Variants in AACS observed in about 807,000 individuals in gnomAD.
AACS encodes acetoacetate-CoA ligase.
A neutral mutation model predicts 83.1 loss-of-function variants in AACS; 69 were observed. The observed-to-expected ratio is 0.83, with a 90% CI of 0.68 to 1.01. The LOEUF (loss-of-function observed/expected upper bound fraction) is 1.01. Among genes scored for constraint, AACS ranks in the 50% least tolerant of loss-of-function variants. The pLI is 0.00. For synonymous variants in AACS, 333 were observed against 343.4 expected (o/e 0.97, Z 0.33); for missense variants, 866 against 882.2 (o/e 0.98, Z 0.23).
In AACS at chr12:125,128,157, G is replaced by C. The variant is rs916273649; in HGVS notation, c.1310-4G>C. The C allele has an allele frequency of 6.2e-7, 1 of 1,605,332 alleles. No individual in the cohort carries two copies. Among genetic ancestry groups the C allele is most frequent in the South Asian group, 1.1e-5 (1 of 90,026 alleles). On this transcript the variant is annotated splice_region_variant and splice_polypyrimidine_tract_variant and intron_variant, in intron 12 of 17. Coordinates refer to ENST00000316519, the MANE Select transcript of AACS (RefSeq NM_023928.5). ...TTTGAGTCTCCCTTTGCCATTGCTT[G>C]CAGGAGGCACCGACATCATCTCCTG...
intron 9 of AACS, among the ~76,000 whole-genome samples, chr12:125,115,679 C>T (rs1447796941): frequency 2.6e-5 from 4 of 151,832 alleles, no homozygotes; most frequent in Non-Finnish European, 5.9e-5. Context: ...GGGAGGACAA[C>T]CCCCCCACCC....
Position 125,065,860 on chromosome 12 carries a change from T to TC in AACS, c.133+149dup. On this transcript the variant is annotated intron_variant, in intron 1 of 17. Coordinates refer to ENST00000316519, the MANE Select transcript of AACS (RefSeq NM_023928.5). ...CGGGGAGGCCTTCTGACTGCGGGGT[T>TC]CCCCCCAGTCTTGGGGAACATCACC... 6 of 1,260,118 alleles carry TC rather than the reference T, an allele frequency of 4.8e-6. No individual in the cohort carries two copies. The Admixed American group carries it at 1.1e-4, about 23-fold the overall frequency. 78.1% of individuals were successfully genotyped at this position (1,260,118 alleles called of 1,614,324 possible).
intron 1 of AACS, among the ~76,000 whole-genome samples, chr12:125,073,195 T>A (rs1955924136): frequency 6.6e-6 from 1 of 152,222 alleles, no homozygotes; most frequent in Non-Finnish European, 1.5e-5. Flanking sequence ...CCCAAAGCAC[T>A]GGGATTACAG....
intron 10 of AACS, among the ~76,000 whole-genome samples, chr12:125,119,375 A>G (rs970610638): frequency 6.6e-6 from 1 of 152,206 alleles, no homozygotes; most frequent in African/African-American, 2.4e-5. Flanking sequence ...TGTTTCACAC[A>G]GGTTCTGCAG....
In AACS at chr12:125,113,727, A is replaced by G. The variant is rs748300286; in HGVS notation, c.916-750A>G. Among the ~76,000 whole-genome samples the G allele has an allele frequency of 1.8e-4, 27 of 152,236 alleles. No homozygotes were observed. The highest frequency in any genetic ancestry group is 3.5e-4 in the Non-Finnish European group (24 of 68,042). On this transcript the variant is annotated intron_variant, in intron 8 of 17. Transcript: ENST00000316519. The surrounding 1 kb of genome is among the most constrained non-coding windows in gnomAD (Gnocchi z 4.8). ...ATGGCATTAATAAATATGTGCCGGC[A>G]TCAGCAAGAAAGACGTTCACAGGAA...
intron 15 of AACS, among the ~76,000 whole-genome samples, chr12:125,134,278 C>A (rs1215497506): frequency 6.6e-6 from 1 of 152,210 alleles, no homozygotes; most frequent in African/African-American, 2.4e-5. Context: ...CATGTTTCCC[C>A]ACCCCTGTGC....
intron 4 of AACS, among the ~76,000 whole-genome samples, chr12:125,089,164 A>G (rs951173209): frequency 1.2e-4 from 18 of 152,222 alleles, no homozygotes; most frequent in African/African-American, 3.6e-4. Flanking sequence ...GTTTACGCTC[A>G]TAGCCAAGTC....
rs774308399 is a variant in AACS, at chr12:125,086,394, T to G, written c.423T>G (p.Phe141Leu). 8.7e-6 allele frequency: 14 copies of G among 1,614,090 alleles called. No individual in the cohort carries two copies. Among genetic ancestry groups the G allele is most frequent in the African/African-American group, 2.7e-5 (2 of 74,932 alleles). The change falls in exon 4 of 18, where the codon TTT becomes TTG. Residue 141 changes from phenylalanine (F) to leucine (L), a missense_variant. Transcript: ENST00000316519. ...AGCTGAGGCAAGAAGTGGCTTTGTT[T>G]GCAGCAGCAATGAGGAAAATGGGTG... The part of the protein sequence containing the change: ...FEELRQEVAL[F>L]AAAMRKMGVK...
chr12:125,118,448 G>T, intron 9 of AACS, 193 bp from the exon 10 acceptor site: 1 of 654,050 alleles, frequency 1.5e-6, no homozygotes, highest in South Asian at 2.0e-5. Flanking sequence ...ATGCACATGT[G>T]TGAATATGTC....
chr12:125,141,355 TCCCAACGGGGC>T (rs1360543891), intron 17 of AACS: 3 of 152,546 alleles, frequency 2.0e-5, no homozygotes, highest in Non-Finnish European at 4.4e-5. Flanking sequence ...GTGTCGTGGG[TCCCAACGGGGC>T]CCAGTAGAGT....
chr12:125,124,467 G>C, intron 10 of AACS: 1 of 556,590 alleles, frequency 1.8e-6, no homozygotes, highest in Non-Finnish European at 3.2e-6. Flanking sequence ...GTGACGCCTC[G>C]TGGTAAAGGG....
At chr12:125,116,001 C>G (rs1042415782) in intron 9 of AACS, among the ~76,000 whole-genome samples, 18 of 152,138 alleles carry the variant, frequency 1.2e-4, no homozygotes, top group African/African-American at 4.3e-4. Flanking sequence ...TCCCTGCTCT[C>G]TGTGACCAGC....
chr12:125,090,092 C>T (rs1469617776), intron 4 of AACS, among the ~76,000 whole-genome samples: 1 of 150,516 alleles, frequency 6.6e-6, no homozygotes, highest in Non-Finnish European at 1.5e-5. Flanking sequence ...CTATCCTCCA[C>T]CCATTATCTA....
chr12:125,102,691 C>A lies in AACS; in HGVS notation c.583C>A (p.Arg195=), dbSNP rs773498956. 2.5e-6 allele frequency: 4 copies of A among 1,613,880 alleles called. No individual in the cohort carries two copies. In the South Asian group the frequency reaches 4.4e-5, roughly 18 times the overall value. ...CTCCTGCTTTCAGGGTGTGCTGGAC[C>A]GGTTTTCTCAAATTCAGCCAAAGCT... ...PDFGVNGVLD[R]FSQIQPKLIF... Residue 195 remains arginine (R), a synonymous_variant, in exon 6 of 18, where the codon CGG becomes AGG. Coordinates refer to ENST00000316519, the MANE Select transcript of AACS (RefSeq NM_023928.5).
Position 125,136,823 on chromosome 12 carries a change from C to T in AACS, c.1840C>T (p.Arg614Ter), listed in dbSNP as rs753878731. Residue 614 changes from arginine to a stop codon, truncating the protein, a stop_gained, in exon 17 of 18, where the codon CGA becomes TGA. Coordinates refer to ENST00000316519, the MANE Select transcript of AACS (RefSeq NM_023928.5). LOFTEE classifies it high-confidence loss of function. The part of the protein sequence containing the change: ...RDAIRMGLSA[R>*]HVPSLILETK... The stretch of plus-strand genomic sequence containing the variant: ...CGCCATCCGCATGGGCTTGTCTGCG[C>T]GACACGTGCCCAGCCTCATCCTGGA... 7 of 1,613,732 alleles carry T rather than the reference C, an allele frequency of 4.3e-6. No homozygotes were observed. Among genetic ancestry groups the T allele is most frequent in the East Asian group, 4.5e-5 (2 of 44,878 alleles).
At chr12:125,093,781 C>T (rs1471396367) in intron 5 of AACS, among the ~76,000 whole-genome samples, 2 of 152,326 alleles carry the variant, frequency 1.3e-5, no homozygotes, top group East Asian at 1.9e-4. Context: ...TGCTAGTGTC[C>T]GAGGTATAGA....
chr12:125,134,083 C>T lies in AACS; in HGVS notation c.1619+11C>T. Reference sequence around the variant, plus strand: ...CATGCTTGGCCGGAGGTAAGGGCTGCAGAGTCGGCTTCTCTTTCCTGGAGC... The same window carrying T: ...CATGCTTGGCCGGAGGTAAGGGCTGTAGAGTCGGCTTCTCTTTCCTGGAGC... On this transcript the variant is annotated intron_variant, in intron 15 of 17. Coordinates refer to ENST00000316519, the MANE Select transcript of AACS (RefSeq NM_023928.5). 2 of 1,613,106 alleles carry T rather than the reference C, an allele frequency of 1.2e-6. No homozygotes were observed. The highest frequency in any genetic ancestry group is 1.1e-5 in the South Asian group (1 of 90,952).
intron 14 of AACS, among the ~76,000 whole-genome samples, chr12:125,131,712 C>T (rs778683055): frequency 6.6e-6 from 1 of 152,188 alleles, no homozygotes; most frequent in Non-Finnish European, 1.5e-5. Context: ...GCTTCTCCTG[C>T]CTCAGCCTCC....
At chr12:125,115,052 A>T (rs560944892) in intron 9 of AACS, among the ~76,000 whole-genome samples, 1 of 151,984 alleles carries the variant, frequency 6.6e-6, no homozygotes, top group East Asian at 1.9e-4. Context: ...TCCTCCGCCC[A>T]CCCTGCCTCA....
Sources: gnomAD v4.1 joint callset for allele counts (sites outside exome capture counted in the v4.1 genomes callset) on GRCh38, gnomAD v4.1.1 for gene constraint, Gnocchi (gnomAD v3.1) non-coding constraint, MANE v1.5 for transcripts, NCBI Gene and HGNC (gene_info 2026-07-23, HGNC 2026-07-21) for gene names.